Variants in CFDP1 observed in about 807,000 individuals in gnomAD.
CFDP1 encodes the protein heterochromatin-stabilizing protein CFDP1.
Under a neutral mutation model 40.1 loss-of-function variants are expected in CFDP1, and 31 were observed. That is an observed-to-expected ratio of 0.77 (90% CI 0.58 to 1.04). CFDP1 has a LOEUF of 1.04. CFDP1 is among the 50% of genes least tolerant of loss of function. CFDP1 has a pLI of 0.00. For missense variants in CFDP1, 423 were observed against 343.4 expected (o/e 1.23, Z -1.83); for synonymous variants, 167 against 120.0 (o/e 1.39, Z -2.56).
intron 4 of CFDP1, among the ~76,000 whole-genome samples, chr16:75,399,939 C>G (rs541769177): frequency 6.7e-6 from 1 of 149,894 alleles, no homozygotes; most frequent in Non-Finnish European, 1.5e-5. Context: ...CCATCTCTAT[C>G]AAAAATACAA....
intron 5 of CFDP1, among the ~76,000 whole-genome samples, chr16:75,368,279 TA>T (rs1428229654): frequency 9.9e-5 from 15 of 152,208 alleles, no homozygotes; most frequent in Non-Finnish European, 1.9e-4. Flanking sequence ...TAATTGCTTT[TA>T]AAAGAATACT....
chr16:75,301,245 T>C (rs1201196640), intron 6 of CFDP1, among the ~76,000 whole-genome samples: 1 of 152,174 alleles, frequency 6.6e-6, no homozygotes, highest in African/African-American at 2.4e-5. Context: ...AAAATGGGGC[T>C]AGTACCTATG....
chr16:75,335,718 G>A (rs1242476035), intron 5 of CFDP1, among the ~76,000 whole-genome samples: 2 of 151,960 alleles, frequency 1.3e-5, no homozygotes, highest in African/African-American at 4.8e-5. Flanking sequence ...CACCATGCCC[G>A]GATAATTTTT....
At chr16:75,375,104 C>CA (rs929015282) in intron 5 of CFDP1, among the ~76,000 whole-genome samples, 2 of 148,626 alleles carry the variant, frequency 1.3e-5, no homozygotes, top group Non-Finnish European at 1.5e-5. Flanking sequence ...ATTCAAGGTA[C>CA]AAAAAAAACC....
chr16:75,336,043 C>T (rs968366994), intron 5 of CFDP1, among the ~76,000 whole-genome samples: 1 of 152,086 alleles, frequency 6.6e-6, no homozygotes, highest in African/African-American at 2.4e-5. Context: ...TTAATATAAG[C>T]CTCCCCCAAA....
intron 5 of CFDP1, among the ~76,000 whole-genome samples, chr16:75,344,601 A>C (rs2078549238): frequency 6.6e-6 from 1 of 152,234 alleles, no homozygotes; most frequent in Admixed American, 6.5e-5. Flanking sequence ...GAAAGGGACT[A>C]ATAACCCTTA....
At chr16:75,431,652 A>T (rs1298033793) in intron 1 of CFDP1, among the ~76,000 whole-genome samples, 1 of 151,976 alleles carries the variant, frequency 6.6e-6, no homozygotes, top group Non-Finnish European at 1.5e-5. Flanking sequence ...AGAAAAAAAA[A>T]CACTGAATAC....
chr16:75,412,624 C>T lies in CFDP1; in HGVS notation c.313G>A (p.Ala105Thr), dbSNP rs2079172803. Reference sequence around the variant, plus strand: ...AGTTCGTCCTCCTTCTTTTTCCTGGCATCCTCTGATCCAATGCCTTTTTCC... The same window carrying T: ...AGTTCGTCCTCCTTCTTTTTCCTGGTATCCTCTGATCCAATGCCTTTTTCC... The part of the protein sequence containing the change: ...EQEKGIGSED[A>T]RKKKEDELWA... Residue 105 changes from alanine (A) to threonine (T), a missense_variant, in exon 3 of 7, where the codon GCC becomes ACC. Transcript: ENST00000283882. 1 of 1,614,174 alleles carries T rather than the reference C, an allele frequency of 6.2e-7. No individual in the cohort carries two copies. Among genetic ancestry groups the T allele is most frequent in the Non-Finnish European group, 8.5e-7 (1 of 1,180,026 alleles).
chr16:75,356,258 T>C lies in CFDP1; in HGVS notation c.650+38832A>G, dbSNP rs151132576. On this transcript the variant is annotated intron_variant, in intron 5 of 6. Coordinates refer to ENST00000283882, the MANE Select transcript of CFDP1 (RefSeq NM_006324.3). ...CTTGTCAGGAGTGAAAATAAACAAA[T>C]AAACAAGTAACACTTCAAAGTTGAA... is the stretch of plus-strand genomic sequence containing the variant. 6.6e-3 allele frequency among the ~76,000 whole-genome samples: 1,006 copies of C among 151,916 alleles called. 11 individuals carry two copies. The highest frequency in any genetic ancestry group is 0.017 in the Middle Eastern group (5 of 294).
chr16:75,358,875 A>C (rs948424086), intron 5 of CFDP1, among the ~76,000 whole-genome samples: 2 of 152,148 alleles, frequency 1.3e-5, no homozygotes, highest in Non-Finnish European at 2.9e-5. Flanking sequence ...AATGAATGTG[A>C]CTTGTTGAGA....
chr16:75,301,136 G>C (rs2151498578), intron 6 of CFDP1, among the ~76,000 whole-genome samples: 1 of 152,242 alleles, frequency 6.6e-6, no homozygotes, highest in Non-Finnish European at 1.5e-5. Flanking sequence ...AAAGGGAGAA[G>C]ACTGCTATTG....
intron 4 of CFDP1, among the ~76,000 whole-genome samples, chr16:75,407,654 C>CAAAAAAAAAAA (rs11456525): frequency 8.6e-6 from 1 of 116,790 alleles, no homozygotes; most frequent in African/African-American, 3.3e-5. Flanking sequence ...GACCCTGTCT[C>CAAAAAAAAAAA]AAAAAAAAAA....
chr16:75,389,619 A>G (rs2078931152), intron 5 of CFDP1, among the ~76,000 whole-genome samples: 1 of 152,228 alleles, frequency 6.6e-6, no homozygotes, highest in Non-Finnish European at 1.5e-5. Flanking sequence ...AAATAAACAA[A>G]TAAAGTGTTT....
At chr16:75,410,086 A>G in intron 4 of CFDP1, among the ~76,000 whole-genome samples, 1 of 99,008 alleles carries the variant, frequency 1.0e-5, no homozygotes, top group East Asian at 3.0e-4. Context: ...AAAAAAAAAA[A>G]CCCAAAACAA....
intron 5 of CFDP1, among the ~76,000 whole-genome samples, chr16:75,372,996 C>G (rs1048191905): frequency 1.3e-5 from 2 of 152,068 alleles, no homozygotes; most frequent in Non-Finnish European, 2.9e-5. Context: ...AAAGGAGTTC[C>G]CCGGCATGGA....
intron 5 of CFDP1, among the ~76,000 whole-genome samples, chr16:75,345,241 A>C (rs376815876): frequency 6.6e-6 from 1 of 151,870 alleles, no homozygotes; most frequent in East Asian, 2.0e-4. Flanking sequence ...TGGATCACTT[A>C]AGGTCAGGAG....
At chr16:75,356,028 G>A (rs778014021) in intron 5 of CFDP1, among the ~76,000 whole-genome samples, 25 of 152,118 alleles carry the variant, frequency 1.6e-4, no homozygotes, top group South Asian at 4.2e-4. Flanking sequence ...TTACCCATAA[G>A]GGTTGGAATA....
At chr16:75,395,329 T>C in intron 4 of CFDP1, 120 bp from the exon 5 acceptor site, 1 of 1,037,340 alleles carries the variant, frequency 9.6e-7, no homozygotes. Flanking sequence ...TTCTGGACGC[T>C]CAGCATTATG....
chr16:75,402,018 G>T (rs528257005), intron 4 of CFDP1, among the ~76,000 whole-genome samples: 1 of 152,298 alleles, frequency 6.6e-6, no homozygotes, highest in South Asian at 2.1e-4. Flanking sequence ...TAGTGCCAAA[G>T]TCCTATCTAT....
Sources: gnomAD v4.1 joint callset for allele counts (sites outside exome capture counted in the v4.1 genomes callset) on GRCh38, gnomAD v4.1.1 for gene constraint, MANE v1.5 for transcripts, NCBI Gene and HGNC (gene_info 2026-07-23, HGNC 2026-07-21) for gene names.